Variants in TGFBR3 observed in about 807,000 individuals in gnomAD.
The protein encoded by TGFBR3 is transforming growth factor beta receptor type 3.
Under a neutral mutation model 87.9 loss-of-function variants are expected in TGFBR3, and 46 were observed. That is an observed-to-expected ratio of 0.52 (90% CI 0.41 to 0.67). The LOEUF is 0.67. Ranked by LOEUF, TGFBR3 falls within the 30% of genes least tolerant of loss-of-function variation. TGFBR3 has a pLI of 0.00. For missense variants in TGFBR3, 866 were observed against 1,041.9 expected (o/e 0.83, Z 2.32); for synonymous variants, 381 against 391.6 (o/e 0.97, Z 0.32).
At chr1:91,801,636 C>T (rs1003628702) in intron 2 of TGFBR3, among the ~76,000 whole-genome samples, 5 of 152,232 alleles carry the variant, frequency 3.3e-5, no homozygotes, top group Non-Finnish European at 4.4e-5. Context: ...TTGCAAAATG[C>T]TAATTGTGGA....
intron 16 of TGFBR3, among the ~76,000 whole-genome samples, chr1:91,694,720 T>C (rs980892256): frequency 2.0e-5 from 3 of 152,334 alleles, no homozygotes; most frequent in East Asian, 3.9e-4. Context: ...AATGAAATTA[T>C]AAACAGAGAA....
chr1:91,726,482 A>G (rs1672553483), intron 7 of TGFBR3, among the ~76,000 whole-genome samples: 1 of 151,700 alleles, frequency 6.6e-6, no homozygotes, highest in Non-Finnish European at 1.5e-5. Context: ...AAATTAATGT[A>G]TCACCATTAC....
chr1:91,898,468 G>A (rs969635700), intron 2 of TGFBR3, among the ~76,000 whole-genome samples: 4 of 151,862 alleles, frequency 2.6e-5, no homozygotes, highest in East Asian at 1.9e-4. Context: ...ATGGAGTCTC[G>A]CTCTGTCACC....
At chr1:91,736,900 C>A (rs1023856646) in intron 4 of TGFBR3, among the ~76,000 whole-genome samples, 3 of 152,236 alleles carry the variant, frequency 2.0e-5, no homozygotes, top group African/African-American at 7.2e-5. Context: ...ATACATTATA[C>A]ACAGAGTACG....
chr1:91,824,004 C>G (rs1179307654), intron 2 of TGFBR3, among the ~76,000 whole-genome samples: 1 of 152,148 alleles, frequency 6.6e-6, no homozygotes, highest in Non-Finnish European at 1.5e-5. Context: ...GTGGTGCACA[C>G]CTGTAGTACC....
At chr1:91,776,228 G>T (rs1398431829) in intron 3 of TGFBR3, among the ~76,000 whole-genome samples, 1 of 152,214 alleles carries the variant, frequency 6.6e-6, no homozygotes, top group African/African-American at 2.4e-5. Context: ...CGGGAGCAAG[G>T]GAGAACTCAC....
At chr1:91,822,198 T>C (rs1030601752) in intron 2 of TGFBR3, among the ~76,000 whole-genome samples, 4 of 148,616 alleles carry the variant, frequency 2.7e-5, no homozygotes, top group South Asian at 2.1e-4. Context: ...GGAGAGATGA[T>C]AGACAAACCG....
At chr1:91,698,060 T>A (rs2100722445) in intron 15 of TGFBR3, 29 bp downstream of exon 15, 1 of 1,611,280 alleles carries the variant, frequency 6.2e-7, no homozygotes, top group Non-Finnish European at 8.5e-7. Flanking sequence ...CAGGAGGTTT[T>A]ATTTCGAAAT....
chr1:91,691,006 A>T (rs993796352), intron 16 of TGFBR3, among the ~76,000 whole-genome samples: 3 of 152,192 alleles, frequency 2.0e-5, no homozygotes, highest in African/African-American at 4.8e-5. Flanking sequence ...AAGAAAAGAA[A>T]TTCACAGGAA....
intron 1 of TGFBR3, among the ~76,000 whole-genome samples, chr1:91,880,949 TAAAAA>T (rs1043007577): frequency 2.0e-5 from 3 of 151,086 alleles, no homozygotes; most frequent in Non-Finnish European, 4.4e-5. Flanking sequence ...AGTATATAAA[TAAAAA>T]TAAAAAATAA....
At chr1:91,793,787 C>T (rs1182994446) in intron 3 of TGFBR3, among the ~76,000 whole-genome samples, 1 of 124,944 alleles carries the variant, frequency 8.0e-6, no homozygotes, top group African/African-American at 3.1e-5. Context: ...GCCTGGGTGA[C>T]ACAGCAAGAC....
intron 4 of TGFBR3, among the ~76,000 whole-genome samples, chr1:91,748,872 A>C (rs1030174206): frequency 1.3e-5 from 2 of 152,154 alleles, no homozygotes; most frequent in Non-Finnish European, 2.9e-5. Flanking sequence ...TAAAACAAAG[A>C]CAACAAAAGC....
chr1:91,879,277 AAAT>A (rs1678981931), intron 1 of TGFBR3, among the ~76,000 whole-genome samples: 1 of 142,538 alleles, frequency 7.0e-6, no homozygotes, highest in Non-Finnish European at 1.6e-5. Flanking sequence ...TCAAAAAAAA[AAAT>A]AACCATTAAA....
At position 91,729,923 on chromosome 1, in the gene TGFBR3, T is replaced by C. The variant is rs765823600; in HGVS notation, c.619A>G (p.Asn207Asp). ...GGTTGAAGGTACTCAGCAAGGTAAT[T>C]GAGTGAGAGAAAATTCTTCCCTATG... ...CNIGKNFLSL[N>D]YLAEYLQPKA... is the part of the protein sequence containing the mutation. Residue 207 changes from asparagine to aspartate, a missense_variant, in exon 6 of 17, where the codon AAT becomes GAT. By Grantham distance (23) the Asn-to-Asp change is conservative. Transcript: ENST00000212355. 1.2e-6 allele frequency: 2 copies of C among 1,614,130 alleles called. No individual in the cohort carries two copies. Among genetic ancestry groups the C allele is most frequent in the East Asian group, 2.2e-5 (1 of 44,868 alleles).
In TGFBR3 at chr1:91,727,907, G is replaced by T. The variant is rs1006340787; in HGVS notation, c.738-101C>A. 7 of 1,434,040 alleles carry T rather than the reference G, an allele frequency of 4.9e-6. No homozygotes were observed. The African/African-American group carries it at 9.9e-5, about 20-fold the overall frequency. The allele number at this position is 1,434,040 out of a possible 1,614,324, so 88.8% of individuals were successfully genotyped here. ...TCATGTTTCTAGTGTCTGGCCAGTT[G>T]ATTAAAAAGCTGGAGTTGATCCCAG... On this transcript the variant is annotated intron_variant, in intron 6 of 16. Transcript: ENST00000212355.
At chr1:91,752,801 C>T (rs1383292792) in intron 4 of TGFBR3, among the ~76,000 whole-genome samples, 2 of 151,226 alleles carry the variant, frequency 1.3e-5, no homozygotes, top group East Asian at 1.9e-4. Context: ...GGCAGGTGGA[C>T]GGCTTCAGCC....
intron 3 of TGFBR3, among the ~76,000 whole-genome samples, chr1:91,778,096 A>G (rs1055942234): frequency 2.6e-5 from 4 of 151,714 alleles, no homozygotes; most frequent in Non-Finnish European, 5.9e-5. Context: ...ACTCAAAAGC[A>G]TTTTCCCAAG....
chr1:91,704,704 T>C (rs1284107836), intron 14 of TGFBR3, among the ~76,000 whole-genome samples: 6 of 152,232 alleles, frequency 3.9e-5, no homozygotes, highest in Non-Finnish European at 8.8e-5. Flanking sequence ...CTTTCATCTA[T>C]TGTTAAAAAT....
upstream of TGFBR3, among the ~76,000 whole-genome samples, chr1:91,888,683 G>C (rs1212621707): frequency 6.6e-6 from 1 of 152,076 alleles, no homozygotes; most frequent in African/African-American, 2.4e-5. Flanking sequence ...GCCTGGACAA[G>C]AGCAACACTC....
Sources: allele counts gnomAD v4.1 joint callset (sites outside exome capture counted in the v4.1 genomes callset), GRCh38; gene constraint gnomAD v4.1.1; transcripts MANE v1.5; gene names NCBI Gene and HGNC (gene_info 2026-07-23, HGNC 2026-07-21).